The following C1orf216 variants were observed in gnomAD, a reference collection of about 807,000 sequenced individuals.
The protein encoded by C1orf216 is chromosome 1 open reading frame 216, also known as UPF0500 protein C1orf216.
A neutral mutation model predicts 16.4 loss-of-function variants in C1orf216; 18 were observed. The observed-to-expected ratio is 1.10, with a 90% CI of 0.76 to 1.63. C1orf216 has a LOEUF of 1.63. Ranked by LOEUF, C1orf216 falls within the 40% of genes most tolerant of loss-of-function variation. The pLI is 0.00. For missense variants in C1orf216, 271 were observed against 297.6 expected (o/e 0.91, Z 0.66); for synonymous variants, 115 against 116.9 (o/e 0.98, Z 0.11).
In C1orf216 at chr1:35,717,286, C is replaced by T. The variant is rs146169183; in HGVS notation, c.-5-960G>A. Among the ~76,000 whole-genome samples, 55 of 152,218 alleles carry T rather than the reference C, an allele frequency of 3.6e-4. No individual in the cohort carries two copies. The Middle Eastern group carries it at 0.017, about 47-fold the overall frequency. On this transcript the variant is annotated intron_variant, in intron 1 of 1. Transcript: ENST00000270815. ...TGCCCTCCCTGAATTCCTGCTAAAC[C>T]TCTACCTGGCCTACAACACCCTGTT...
chr1:35,716,414 C>T, intron 1 of C1orf216, 88 bp from the exon 2 acceptor site: 1 of 1,185,628 alleles, frequency 8.4e-7, no homozygotes, highest in Non-Finnish European at 1.2e-6. Flanking sequence ...GACAAGGCTG[C>T]AAGCAAGAGC....
rs571025520 is a variant in C1orf216 at position 35,715,528 on chromosome 1, A to G, written c.*104T>C. On this transcript the variant is annotated 3_prime_UTR_variant, in exon 2 of 2. Transcript: ENST00000270815. The surrounding 1 kb of genome is among the most constrained non-coding windows in gnomAD (Gnocchi z 4.3). ...CCTACATGTTAGCACATACACACTC[A>G]TGCCTACCTGCAATCATGCCAGCAA... The G allele has an allele frequency of 7.8e-7, 1 of 1,289,374 alleles. No homozygotes were observed. Among genetic ancestry groups the G allele is most frequent in the South Asian group, 1.5e-5 (1 of 67,740 alleles). 79.9% of individuals were successfully genotyped at this position (1,289,374 alleles called of 1,614,324 possible). A position where few individuals can be genotyped will look rare whatever the true frequency, so the allele number is the denominator to read the frequency against.
Position 35,715,618 on chromosome 1 carries a change from G to C in C1orf216, c.*14C>G. On this transcript the variant is annotated 3_prime_UTR_variant, in exon 2 of 2. Coordinates refer to ENST00000270815, the MANE Select transcript of C1orf216 (RefSeq NM_152374.2). The surrounding 1 kb of genome is among the most constrained non-coding windows in gnomAD (Gnocchi z 4.3). ...TATATACATATACCCTTGCACACTT[G>C]TGGAGGCACACCCTTAGGCCTGGTC... 1 of 1,599,608 alleles carries C rather than the reference G, an allele frequency of 6.3e-7. No homozygotes were observed. The highest frequency in any genetic ancestry group is 8.5e-7 in the Non-Finnish European group (1 of 1,171,524).
In C1orf216 at chr1:35,715,731, T is replaced by C; in HGVS notation, c.591A>G (p.Arg197=). The C allele has an allele frequency of 1.2e-6, 2 of 1,614,134 alleles. No homozygotes were observed. ...GGATGGTGTCGAAGCTCTCCTGCAG[T>C]CGGGCCTGCTGGTCAATCAACTGAT... The part of the protein sequence containing the change: ...LQHQLIDQQA[R]LQESFDTILD... The change falls in exon 2 of 2, where the codon CGA becomes CGG. Residue 197 remains arginine (R), a synonymous_variant. Transcript: ENST00000270815. This position sits in a 1 kb window ranked among gnomAD's most constrained non-coding sequence, Gnocchi z 4.3.
rs1414143458 is a variant in C1orf216 at position 35,714,796 on chromosome 1, CA to C, written c.*835del. The C allele has an allele frequency of 2.6e-5, 4 of 152,578 alleles. No homozygotes were observed. The highest frequency in any genetic ancestry group is 2.6e-4 in the Admixed American group (4 of 15,280). 9.5% of individuals were successfully genotyped at this position (152,578 alleles called of 1,614,324 possible). ...TACTCCTGGTTCCCTTTCCTGATACCAGTTCTCCACACACTGCCAAAATTGC... is the reference window on the plus strand; with the variant it reads ...TACTCCTGGTTCCCTTTCCTGATACCGTTCTCCACACACTGCCAAAATTGC... On this transcript the variant is annotated 3_prime_UTR_variant, in exon 2 of 2. Coordinates refer to ENST00000270815, the MANE Select transcript of C1orf216 (RefSeq NM_152374.2).
At chr1:35,717,883 A>G (rs1272613281) in intron 1 of C1orf216, among the ~76,000 whole-genome samples, 1 of 152,124 alleles carries the variant, frequency 6.6e-6, no homozygotes, top group East Asian at 1.9e-4. Flanking sequence ...ACTGCAGTGA[A>G]TTTCCATGCT....
In C1orf216 at chr1:35,715,866, C is replaced by A. The variant is rs765901777; in HGVS notation, c.456G>T (p.Gln152His). Residue 152 changes from glutamine (Q) to histidine (H), a missense_variant, in exon 2 of 2, where the codon CAG becomes CAT. By Grantham distance (24) the Gln-to-His change is conservative. Around this residue, in one of 3 missense-constraint regions of C1orf216, gnomAD observed 220 missense variants for 227.8 expected, o/e 0.97. Coordinates refer to ENST00000270815, the MANE Select transcript of C1orf216 (RefSeq NM_152374.2). This position sits in a 1 kb window ranked among gnomAD's most constrained non-coding sequence, Gnocchi z 4.3. ...PLLPSVAQAV[Q>H]HLQVQERYKE... ...TGTAGCGCTCCTGGACTTGTAAGTGCTGCACAGCCTGGGCCACTGAGGGCA... is the reference window on the plus strand; with the variant it reads ...TGTAGCGCTCCTGGACTTGTAAGTGATGCACAGCCTGGGCCACTGAGGGCA... 8 of 1,614,258 alleles carry A rather than the reference C, an allele frequency of 5.0e-6. No individual in the cohort carries two copies. In the East Asian group the frequency reaches 1.3e-4, roughly 27 times the overall value.
chr1:35,716,023 C>A lies in C1orf216; in HGVS notation c.299G>T (p.Gly100Val), dbSNP rs1309892913. 6.2e-7 allele frequency: 1 copy of A among 1,613,978 alleles called. No homozygotes were observed. The highest frequency in any genetic ancestry group is 2.2e-5 in the East Asian group (1 of 44,890). The change falls in exon 2 of 2, where the codon GGT becomes GTT. Residue 100 changes from glycine (G) to valine (V), a missense_variant. Coordinates refer to ENST00000270815, the MANE Select transcript of C1orf216 (RefSeq NM_152374.2). ...IPGAEPEKMG[G>V]AGTVCSPLED... ...CAGAGGGGAGCAGACTGTGCCAGCA[C>A]CACCCATCTTCTCAGGCTCAGCCCC...
chr1:35,715,669 T>C lies in C1orf216; in HGVS notation c.653A>G (p.Gln218Arg). 3 of 1,614,090 alleles carry C rather than the reference T, an allele frequency of 1.9e-6. No homozygotes were observed. The highest frequency in any genetic ancestry group is 1.7e-6 in the Non-Finnish European group (2 of 1,179,982). The change falls in exon 2 of 2, where the codon CAG becomes CGG. Residue 218 changes from glutamine to arginine, a missense_variant. Gln to Arg is a conservative substitution (Grantham distance 43, BLOSUM62 1). Around this residue, in one of 3 missense-constraint regions of C1orf216, gnomAD observed 220 missense variants for 227.8 expected, o/e 0.97. Transcript: ENST00000270815. The surrounding 1 kb of genome is among the most constrained non-coding windows in gnomAD (Gnocchi z 4.3). ...NRKELIRCLQQRAAPSRPQDQ... is the reference protein window; with the variant it reads ...NRKELIRCLQRRAAPSRPQDQ... ...CTGGGGCCTGGATGGTGCTGCCCTCTGCTGGAGACAGCGAATAAGCTCCTT... is the reference window on the plus strand; with the variant it reads ...CTGGGGCCTGGATGGTGCTGCCCTCCGCTGGAGACAGCGAATAAGCTCCTT...
In C1orf216 at chr1:35,714,269, T is replaced by C. The variant is rs1367211180; in HGVS notation, c.*1363A>G. On this transcript the variant is annotated 3_prime_UTR_variant, in exon 2 of 2. Coordinates refer to ENST00000270815, the MANE Select transcript of C1orf216 (RefSeq NM_152374.2). ...AACTCGCGGAGCCTGCCAATCCCTG[T>C]TTGAAGGGCCATGCAGTGAAAGAAG... The C allele has an allele frequency of 6.6e-6, 1 of 152,164 alleles. No homozygotes were observed. The allele number at this position is 152,164 out of a possible 1,614,324, so 9.4% of individuals were successfully genotyped here.
At chr1:35,716,359 T>C (rs1445825790) in intron 1 of C1orf216, 33 bp from the exon 2 acceptor site, 1 of 1,553,276 alleles carries the variant, frequency 6.4e-7, no homozygotes, top group Non-Finnish European at 8.7e-7. Flanking sequence ...CGAGTCACAG[T>C]AGGACAGGGT....
Position 35,714,720 on chromosome 1 carries a change from G to A in C1orf216, c.*912C>T, listed in dbSNP as rs116504001. 5 of 152,422 alleles carry A rather than the reference G, an allele frequency of 3.3e-5. No individual in the cohort carries two copies. The highest frequency in any genetic ancestry group is 1.2e-4 in the African/African-American group (5 of 41,554). The allele number at this position is 152,422 out of a possible 1,614,324, so 9.4% of individuals were successfully genotyped here. On this transcript the variant is annotated 3_prime_UTR_variant, in exon 2 of 2. Transcript: ENST00000270815. Reference sequence around the variant, plus strand: ...ATGTGCCCAAAGGCAGAGTTCAAGAGGGACAGTCCCCTATGTCCTCTGTCC... The same window carrying A: ...ATGTGCCCAAAGGCAGAGTTCAAGAAGGACAGTCCCCTATGTCCTCTGTCC...
Position 35,715,777 on chromosome 1 carries a change from T to C in C1orf216, c.545A>G (p.Gln182Arg), listed in dbSNP as rs1206428673. 3.7e-5 allele frequency: 60 copies of C among 1,614,098 alleles called. No homozygotes were observed. The highest frequency in any genetic ancestry group is 4.9e-5 in the Non-Finnish European group (58 of 1,180,050). Residue 182 changes from glutamine (Q) to arginine (R), a missense_variant, in exon 2 of 2, where the codon CAG becomes CGG. By Grantham distance (43) the Gln-to-Arg change is conservative. This residue lies in a region of C1orf216 where 220 missense variants were observed against 227.8 expected (regional missense o/e 0.97). Transcript: ENST00000270815. This position sits in a 1 kb window ranked among gnomAD's most constrained non-coding sequence, Gnocchi z 4.3. ...LVMYRRLALL[Q>R]WIRGLQHQLI... ...CTGATGCTGCAGGCCCCGGATCCAC[T>C]GGAGCAGTGCCAGGCGACGGTACAT...
Position 35,715,569 on chromosome 1 carries a change from G to A in C1orf216, c.*63C>T. The A allele has an allele frequency of 6.6e-7, 1 of 1,510,268 alleles. No individual in the cohort carries two copies. The highest frequency in any genetic ancestry group is 1.3e-5 in the South Asian group (1 of 76,922). 93.6% of individuals were successfully genotyped at this position (1,510,268 alleles called of 1,614,324 possible). A position where few individuals can be genotyped will look rare whatever the true frequency, so the allele number is the denominator to read the frequency against. The stretch of plus-strand genomic sequence containing the variant: ...ATGCCAGCAAATTATGTACTTACTA[G>A]TGCGCCTCACACATGCCTGCAAATA... On this transcript the variant is annotated 3_prime_UTR_variant, in exon 2 of 2. Coordinates refer to ENST00000270815, the MANE Select transcript of C1orf216 (RefSeq NM_152374.2). This position sits in a 1 kb window ranked among gnomAD's most constrained non-coding sequence, Gnocchi z 4.3.
At chr1:35,716,578 T>C (rs1640960959) in intron 1 of C1orf216, 2 of 526,716 alleles carry the variant, frequency 3.8e-6, no homozygotes, top group Non-Finnish European at 6.7e-6. Flanking sequence ...TGTGCATTTC[T>C]CTCCAGAGGA....
In C1orf216 at chr1:35,715,303, AT is replaced by A; in HGVS notation, c.*328del. ...TGCCTATACATCCTCACTCATGCGC[AT>A]ATACACACACTGCTGGGTACCTGTC... On this transcript the variant is annotated 3_prime_UTR_variant, in exon 2 of 2. Transcript: ENST00000270815. The surrounding 1 kb of genome is among the most constrained non-coding windows in gnomAD (Gnocchi z 4.3). 1 of 369,222 alleles carries A rather than the reference AT, an allele frequency of 2.7e-6. No individual in the cohort carries two copies. The highest frequency in any genetic ancestry group is 2.1e-5 in the African/African-American group (1 of 48,770). The allele number at this position is 369,222 out of a possible 1,614,324, so 22.9% of individuals were successfully genotyped here.
rs778824148 is a variant in C1orf216, at chr1:35,715,811, GCA to G, written c.509_510del (p.Val170AlafsTer23). 1 of 1,614,262 alleles carries G rather than the reference GCA, an allele frequency of 6.2e-7. No individual in the cohort carries two copies. Among genetic ancestry groups the G allele is most frequent in the South Asian group, 1.1e-5 (1 of 91,092 alleles). ...GCCAGGCGACGGTACATCACCAAGT[GCA>G]CGTGGTGCTTTTCCTTCTCCTGCTC... Reference protein sequence around the residue: ...YKEQEKEKHHVHLVMYRRLAL... With the variant: ...YKEQEKEKHHXHLVMYRRLAL... On this transcript the variant is annotated frameshift_variant, in exon 2 of 2. Transcript: ENST00000270815. LOFTEE classifies it high-confidence loss of function. This position sits in a 1 kb window ranked among gnomAD's most constrained non-coding sequence, Gnocchi z 4.3.
rs377572339 is a variant in C1orf216, at chr1:35,715,902, G to A, written c.420C>T (p.Pro140=). ...GGGCCACTGAGGGCAGAAGGGGATC[G>A]GGAGGGCCAGGGCCTCGCGGGGTCC... is the stretch of plus-strand genomic sequence containing the variant. ...ACGTPRGPGP[P]DPLLPSVAQA... is the part of the protein sequence containing the mutation. Residue 140 remains proline, a synonymous_variant, in exon 2 of 2, where the codon CCC becomes CCT. Transcript: ENST00000270815. The surrounding 1 kb of genome is among the most constrained non-coding windows in gnomAD (Gnocchi z 4.3). 68 of 1,614,094 alleles carry A rather than the reference G, an allele frequency of 4.2e-5. No individual in the cohort carries two copies. The highest frequency in any genetic ancestry group is 1.6e-4 in the East Asian group (7 of 44,894).
At position 35,716,067 on chromosome 1, in the gene C1orf216, T is replaced by C. The variant is rs760586032; in HGVS notation, c.255A>G (p.Pro85=). 2.4e-5 allele frequency: 38 copies of C among 1,613,986 alleles called. No homozygotes were observed. In the South Asian group the frequency reaches 4.2e-4, roughly 18 times the overall value. ...CAGCCCCGGGAATCTCTGCCCCCTC[T>C]GGGGGGCTGCGCACCCCTTCCTCAG... The part of the protein sequence containing the change: ...GSPEEGVRSP[P]EGAEIPGAEP... Residue 85 remains proline (P), a synonymous_variant, in exon 2 of 2, where the codon CCA becomes CCG. Transcript: ENST00000270815.
Sources: allele counts gnomAD v4.1 joint callset (sites outside exome capture counted in the v4.1 genomes callset), GRCh38; gene constraint gnomAD v4.1.1; regional missense constraint gnomAD v4.1.1; non-coding constraint Gnocchi (gnomAD v3.1); transcripts MANE v1.5; gene names NCBI Gene and HGNC (gene_info 2026-07-23, HGNC 2026-07-21).